RNF182: variants seen among roughly 807,000 people sequenced by gnomAD.
RNF182 encodes ring finger protein 182.
RNF182 carries 15 observed loss-of-function variants against 14.4 expected under a neutral mutation model. The ratio of observed to expected loss-of-function variants is 1.04; its 90% confidence interval spans 0.70 to 1.60. The LOEUF is 1.60. Ranked by LOEUF, RNF182 falls within the 40% of genes most tolerant of loss-of-function variation. RNF182 has a pLI of 0.00. For missense variants in RNF182, 268 were observed against 294.8 expected (o/e 0.91, Z 0.67); for synonymous variants, 128 against 122.9 (o/e 1.04, Z -0.27).
chr6:13,962,545 T>A (rs1423234295), intron 1 of RNF182, among the ~76,000 whole-genome samples: 2 of 152,196 alleles, frequency 1.3e-5, no homozygotes, highest in Non-Finnish European at 2.9e-5. Flanking sequence ...CAAAATAAAT[T>A]GAACATAGAA....
intron 1 of RNF182, among the ~76,000 whole-genome samples, chr6:13,946,979 G>A (rs558559101): frequency 3.3e-5 from 5 of 152,262 alleles, no homozygotes; most frequent in African/African-American, 1.2e-4. Context: ...CATTGAGTAA[G>A]CTTATCCTGA....
At position 13,977,795 on chromosome 6, in the gene RNF182, C is replaced by G; in HGVS notation, c.676C>G (p.Leu226Val). The change falls in exon 3 of 3, where the codon CTT becomes GTT. Residue 226 changes from leucine (L) to valine (V), a missense_variant. Transcript: ENST00000488300. Reference protein sequence around the residue: ...VSLVPSSLVILMVYGFCQCVC... With the variant: ...VSLVPSSLVIVMVYGFCQCVC... ...CCTGGTCCCTTCGAGCCTCGTTATT[C>G]TTATGGTGTATGGTTTTTGCCAGTG... The G allele has an allele frequency of 6.2e-7, 1 of 1,614,118 alleles. No homozygotes were observed. The highest frequency in any genetic ancestry group is 1.3e-5 in the African/African-American group (1 of 75,048).
chr6:13,970,459 T>C (rs1037889140), intron 1 of RNF182, among the ~76,000 whole-genome samples: 6 of 152,176 alleles, frequency 3.9e-5, no homozygotes, highest in African/African-American at 1.4e-4. Context: ...TGCCAAATAG[T>C]AGTTCACATT....
intron 1 of RNF182, among the ~76,000 whole-genome samples, chr6:13,956,159 A>G (rs143842279): frequency 2.1e-3 from 317 of 152,240 alleles, no homozygotes; most frequent in African/African-American, 7.2e-3. Flanking sequence ...TTCATTGTGT[A>G]TACCTACCAC....
intron 1 of RNF182, among the ~76,000 whole-genome samples, chr6:13,957,001 G>T (rs943031385): frequency 6.6e-6 from 1 of 151,834 alleles, no homozygotes; most frequent in Non-Finnish European, 1.5e-5. Flanking sequence ...CTGTGTGACC[G>T]AATGGAATGA....
chr6:13,928,956 T>G (rs1403549003), intron 1 of RNF182, among the ~76,000 whole-genome samples: 3 of 152,160 alleles, frequency 2.0e-5, no homozygotes, highest in Admixed American at 6.5e-5. Flanking sequence ...TTTAACACTT[T>G]ATGGTCCAGA....
chr6:13,940,458 G>GC, intron 1 of RNF182, among the ~76,000 whole-genome samples: 1 of 152,150 alleles, frequency 6.6e-6, no homozygotes, highest in South Asian at 2.1e-4. Context: ...GCTGAATAGT[G>GC]CCTCCCTTTT....
At chr6:13,969,693 G>C (rs1233886359) in intron 1 of RNF182, among the ~76,000 whole-genome samples, 7 of 152,120 alleles carry the variant, frequency 4.6e-5, no homozygotes, top group African/African-American at 1.7e-4. Context: ...TTATTATTTA[G>C]GGCTGTGAAA....
intron 1 of RNF182, among the ~76,000 whole-genome samples, chr6:13,967,872 T>C (rs1036566920): frequency 6.6e-6 from 1 of 152,184 alleles, no homozygotes; most frequent in Non-Finnish European, 1.5e-5. Flanking sequence ...GTATTACCTT[T>C]ATATCAAAGG....
At chr6:13,959,318 A>T (rs1759807997) in intron 1 of RNF182, among the ~76,000 whole-genome samples, 1 of 152,234 alleles carries the variant, frequency 6.6e-6, no homozygotes, top group African/African-American at 2.4e-5. Flanking sequence ...GAAAACAATA[A>T]GTTCAAGACA....
At chr6:13,967,533 C>A (rs937132090) in intron 1 of RNF182, among the ~76,000 whole-genome samples, 6 of 151,980 alleles carry the variant, frequency 3.9e-5, no homozygotes, top group African/African-American at 1.4e-4. Flanking sequence ...TATTCTAGAA[C>A]CACACAGAAT....
intron 1 of RNF182, among the ~76,000 whole-genome samples, chr6:13,967,878 A>T (rs1472621887): frequency 6.6e-6 from 1 of 152,170 alleles, no homozygotes; most frequent in Non-Finnish European, 1.5e-5. Flanking sequence ...CCTTTATATC[A>T]AAGGAGAAAT....
At chr6:13,940,987 C>G (rs1197235992) in intron 1 of RNF182, among the ~76,000 whole-genome samples, 1 of 151,894 alleles carries the variant, frequency 6.6e-6, no homozygotes, top group Non-Finnish European at 1.5e-5. Flanking sequence ...TGGATATGAT[C>G]ATTTTTGCTG....
intron 1 of RNF182, among the ~76,000 whole-genome samples, chr6:13,947,545 T>C (rs549965275): frequency 6.6e-6 from 1 of 152,330 alleles, no homozygotes; most frequent in Admixed American, 6.5e-5. Context: ...TATAATCTAA[T>C]CTTAGATTAG....
At chr6:13,926,874 T>C (rs1262912795) in intron 1 of RNF182, among the ~76,000 whole-genome samples, 3 of 152,094 alleles carry the variant, frequency 2.0e-5, no homozygotes, top group Admixed American at 1.3e-4. Context: ...TTCAAGGACT[T>C]GGTCCGTGCT....
intron 1 of RNF182, among the ~76,000 whole-genome samples, chr6:13,952,531 A>G (rs1759620431): frequency 6.6e-6 from 1 of 152,052 alleles, no homozygotes; most frequent in Admixed American, 6.5e-5. Flanking sequence ...TTTGTCCTTT[A>G]CCTGGGATGA....
At chr6:13,950,246 G>A (rs1454932114) in intron 1 of RNF182, among the ~76,000 whole-genome samples, 1 of 152,114 alleles carries the variant, frequency 6.6e-6, no homozygotes, top group East Asian at 1.9e-4. Flanking sequence ...CCCAAGACAA[G>A]GACAGAGCTG....
chr6:13,927,169 A>AT (rs1758851970), intron 1 of RNF182, among the ~76,000 whole-genome samples: 1 of 152,224 alleles, frequency 6.6e-6, no homozygotes, highest in African/African-American at 2.4e-5. Context: ...GCTCCGAAGC[A>AT]TGAAATGAAG....
intron 1 of RNF182, among the ~76,000 whole-genome samples, chr6:13,942,487 A>G (rs1263173500): frequency 6.6e-6 from 1 of 151,934 alleles, no homozygotes; most frequent in Non-Finnish European, 1.5e-5. Context: ...GACTGACTAC[A>G]CGTGCCACCA....
Sources: allele counts gnomAD v4.1 joint callset (sites outside exome capture counted in the v4.1 genomes callset), GRCh38; gene constraint gnomAD v4.1.1; transcripts MANE v1.5; gene names NCBI Gene and HGNC (gene_info 2026-07-23, HGNC 2026-07-21).